The following USP25 variants were observed in gnomAD, a reference collection of about 807,000 sequenced individuals.
USP25 encodes the protein ubiquitin carboxyl-terminal hydrolase 25.
USP25 carries 85 observed loss-of-function variants against 158.5 expected under a neutral mutation model. That is an observed-to-expected ratio of 0.54 (90% CI 0.45 to 0.64). The LOEUF is 0.64. USP25 is among the 30% of genes least tolerant of loss of function. The pLI, the probability that USP25 is intolerant of heterozygous loss-of-function variation, is 0.00. For synonymous variants in USP25, 464 were observed against 460.4 expected (o/e 1.01, Z -0.10); for missense variants, 1,242 against 1,327.3 (o/e 0.94, Z 1.00).
chr21:15,760,920 G>C (rs1219959487), intron 1 of USP25, among the ~76,000 whole-genome samples: 1 of 152,130 alleles, frequency 6.6e-6, no homozygotes, highest in East Asian at 1.9e-4. Context: ...ACTAAGCTGT[G>C]CATATTTATA....
chr21:15,745,223 T>C (rs1447493464), intron 1 of USP25: 1 of 152,224 alleles, frequency 6.6e-6, no homozygotes, highest in Non-Finnish European at 1.5e-5. Flanking sequence ...TTTTTATGTC[T>C]TCTTTTTAAC....
intron 1 of USP25, among the ~76,000 whole-genome samples, chr21:15,762,678 G>A (rs117450394): frequency 0.01 from 1,542 of 152,242 alleles, 23 homozygotes; most frequent in Admixed American, 0.043. Context: ...TTTTCGAAAC[G>A]TGAGAATGAA....
intron 1 of USP25, among the ~76,000 whole-genome samples, chr21:15,752,152 C>T (rs554895055): frequency 2.6e-5 from 4 of 151,998 alleles, no homozygotes; most frequent in Middle Eastern, 3.2e-3. Context: ...AGGATGGTCT[C>T]GAACTCCTGA....
At chr21:15,866,379 T>A in intron 22 of USP25, 35 bp downstream of exon 22, 1 of 1,461,682 alleles carries the variant, frequency 6.8e-7, no homozygotes, top group Non-Finnish European at 9.3e-7. Flanking sequence ...ACTACAGATT[T>A]AGGGATTCTG....
intron 22 of USP25, among the ~76,000 whole-genome samples, chr21:15,869,311 T>G (rs533672945): frequency 4.2e-4 from 64 of 152,302 alleles, no homozygotes; most frequent in African/African-American, 1.5e-3. Flanking sequence ...ATGTTTCTTA[T>G]TTTTGTTTAT....
Position 15,878,561 on chromosome 21 carries a change from C to T in USP25, c.*86C>T. ...CTGTCACAGGGTTTGCTTGTTGCTGCTATAGTTTTTAACTTTTTTTTATTT... is the reference window on the plus strand; with the variant it reads ...CTGTCACAGGGTTTGCTTGTTGCTGTTATAGTTTTTAACTTTTTTTTATTT... On this transcript the variant is annotated 3_prime_UTR_variant, in exon 26 of 26. Coordinates refer to ENST00000400183, the MANE Select transcript of USP25 (RefSeq NM_001283041.3). The T allele has an allele frequency of 2.1e-6, 3 of 1,415,324 alleles. No individual in the cohort carries two copies. Among genetic ancestry groups the T allele is most frequent in the Non-Finnish European group, 2.8e-6 (3 of 1,065,224 alleles). The allele number at this position is 1,415,324 out of a possible 1,614,324, so 87.7% of individuals were successfully genotyped here.
intron 20 of USP25, among the ~76,000 whole-genome samples, chr21:15,855,334 C>A (rs760743998): frequency 6.6e-6 from 1 of 152,042 alleles, no homozygotes; most frequent in South Asian, 2.1e-4. Flanking sequence ...GTCTCTTAAT[C>A]ACCTTGTTTA....
chr21:15,762,097 A>G (rs988448733), intron 1 of USP25, among the ~76,000 whole-genome samples: 5 of 150,762 alleles, frequency 3.3e-5, no homozygotes, highest in African/African-American at 1.2e-4. Context: ...TCCTGACTGA[A>G]TTATTGCTGA....
chr21:15,800,361 T>G (rs909399752), intron 6 of USP25, among the ~76,000 whole-genome samples: 13 of 151,210 alleles, frequency 8.6e-5, no homozygotes, highest in African/African-American at 3.1e-4. Flanking sequence ...CTAGAGCTGG[T>G]TACTTGATTT....
chr21:15,837,539 T>C (rs191344137), intron 17 of USP25, among the ~76,000 whole-genome samples: 6 of 152,298 alleles, frequency 3.9e-5, no homozygotes, highest in African/African-American at 1.4e-4. Context: ...CTTAAAGAGA[T>C]CTTCAGATAA....
chr21:15,816,031 T>C lies in USP25; in HGVS notation c.932-2667T>C, dbSNP rs777861731. 6.6e-6 allele frequency among the ~76,000 whole-genome samples: 1 copy of C among 152,184 alleles called. No individual in the cohort carries two copies. The highest frequency in any genetic ancestry group is 2.4e-5 in the African/African-American group (1 of 41,450). ...TTTGGAGGGGCTAGGGCTGGAATGA[T>C]GTGGTTCAGCTGTGTCCTGATGTAA... is the stretch of plus-strand genomic sequence containing the variant. On this transcript the variant is annotated intron_variant, in intron 9 of 25. Coordinates refer to ENST00000400183, the MANE Select transcript of USP25 (RefSeq NM_001283041.3). This position sits in a 1 kb window ranked among gnomAD's most constrained non-coding sequence, Gnocchi z 4.0.
intron 20 of USP25, among the ~76,000 whole-genome samples, chr21:15,859,348 A>G (rs2039311330): frequency 6.6e-6 from 1 of 151,676 alleles, no homozygotes; most frequent in East Asian, 1.9e-4. Flanking sequence ...TCCCGCCACC[A>G]CGCCTGGCTA....
chr21:15,747,364 C>T (rs1158017213), intron 1 of USP25, among the ~76,000 whole-genome samples: 1 of 151,336 alleles, frequency 6.6e-6, no homozygotes, highest in Non-Finnish European at 1.5e-5. Flanking sequence ...AATAGTATAC[C>T]ATATATAGTA....
At chr21:15,869,925 T>A (rs1339601841) in intron 22 of USP25, 143 bp from the exon 23 acceptor site, 1 of 505,888 alleles carries the variant, frequency 2.0e-6, no homozygotes, top group Non-Finnish European at 3.4e-6. Context: ...AAAGTCTTGT[T>A]TTAGTTCTGA....
chr21:15,871,461 A>G (rs1267333358), intron 23 of USP25, among the ~76,000 whole-genome samples: 2 of 152,244 alleles, frequency 1.3e-5, no homozygotes, highest in Non-Finnish European at 2.9e-5. Flanking sequence ...CAGACTTCAC[A>G]GAGATGTAGT....
At chr21:15,823,040 A>G (rs2146346173) in intron 10 of USP25, among the ~76,000 whole-genome samples, 1 of 152,140 alleles carries the variant, frequency 6.6e-6, no homozygotes, top group African/African-American at 2.4e-5. Context: ...GATGTGTGCC[A>G]TTCATGCTTT....
Position 15,878,324 on chromosome 21 carries a change from C to T in USP25, c.3227C>T (p.Thr1076Ile). 1 of 1,611,400 alleles carries T rather than the reference C, an allele frequency of 6.2e-7. No homozygotes were observed. Among genetic ancestry groups the T allele is most frequent in the Non-Finnish European group, 8.5e-7 (1 of 1,178,800 alleles). The change falls in exon 26 of 26, where the codon ACA becomes ATA. Residue 1076 changes from threonine to isoleucine, a missense_variant. Around this residue, in one of 3 missense-constraint regions of USP25, gnomAD observed 608 missense variants for 605.2 expected, o/e 1.00. Coordinates refer to ENST00000400183, the MANE Select transcript of USP25 (RefSeq NM_001283041.3). ...GCAGCACACCTCCAAGAAAAGCTGACAGATTTTTTGCCAAAACTGCTTGAT... is the reference window on the plus strand; with the variant it reads ...GCAGCACACCTCCAAGAAAAGCTGATAGATTTTTTGCCAAAACTGCTTGAT... ...EMEPHLQEKL[T>I]DFLPKLLDCS...
chr21:15,822,771 A>T (rs1601029049), intron 10 of USP25, among the ~76,000 whole-genome samples: 1 of 152,002 alleles, frequency 6.6e-6, no homozygotes, highest in East Asian at 1.9e-4. Context: ...TGAGTAAGCA[A>T]ACTTTGCTAA....
chr21:15,760,139 C>T (rs1354632090), intron 1 of USP25, among the ~76,000 whole-genome samples: 1 of 152,216 alleles, frequency 6.6e-6, no homozygotes, highest in African/African-American at 2.4e-5. Context: ...CCTTTGCCCA[C>T]CCAAAAAATT....
Sources: gnomAD v4.1 joint callset for allele counts (sites outside exome capture counted in the v4.1 genomes callset) on GRCh38, gnomAD v4.1.1 for gene constraint, gnomAD v4.1.1 regional missense constraint, Gnocchi (gnomAD v3.1) non-coding constraint, MANE v1.5 for transcripts, NCBI Gene and HGNC (gene_info 2026-07-23, HGNC 2026-07-21) for gene names.